Variants in OPN3 observed in about 807,000 individuals in gnomAD.
OPN3 encodes the protein opsin-3.
OPN3 carries 29 observed loss-of-function variants against 33.8 expected under a neutral mutation model. The ratio of observed to expected loss-of-function variants is 0.86; its 90% CI spans 0.64 to 1.17. OPN3 has a LOEUF of 1.17. OPN3 is among the 50% of genes most tolerant of loss of function. The pLI is 0.00. For missense variants in OPN3, 437 were observed against 514.1 expected (o/e 0.85, Z 1.45); for synonymous variants, 216 against 216.1 (o/e 1.00, Z 0.00).
chr1:241,627,483 T>A (rs1004591008), intron 1 of OPN3, among the ~76,000 whole-genome samples: 11 of 152,234 alleles, frequency 7.2e-5, no homozygotes, highest in Admixed American at 4.6e-4. Context: ...GAAACTGGTA[T>A]AAATACCTGC....
intron 1 of OPN3, among the ~76,000 whole-genome samples, chr1:241,620,813 A>G (rs925147844): frequency 6.6e-6 from 1 of 152,214 alleles, no homozygotes; most frequent in Non-Finnish European, 1.5e-5. Context: ...GCTACATTTC[A>G]AGAGCTCAAG....
chr1:241,633,879 T>C, intron 1 of OPN3: 2 of 1,613,874 alleles, frequency 1.2e-6, no homozygotes, highest in Non-Finnish European at 1.7e-6. Context: ...ACATTATTGG[T>C]TCCAGGAGCC....
At chr1:241,605,396 CA>C (rs1259189131) in intron 1 of OPN3, among the ~76,000 whole-genome samples, 1 of 152,218 alleles carries the variant, frequency 6.6e-6, no homozygotes, top group Non-Finnish European at 1.5e-5. Flanking sequence ...TGTTCACACA[CA>C]AGGATTGCTG....
chr1:241,620,145 G>C (rs1573960632), intron 1 of OPN3, among the ~76,000 whole-genome samples: 1 of 151,978 alleles, frequency 6.6e-6, no homozygotes, highest in Admixed American at 6.6e-5. Flanking sequence ...GAGGGAAGTT[G>C]AAAATAATCA....
intron 1 of OPN3, among the ~76,000 whole-genome samples, chr1:241,608,038 G>A (rs866717350): frequency 3.0e-4 from 46 of 151,998 alleles, no homozygotes; most frequent in African/African-American, 1.0e-3. Flanking sequence ...ATAAGTTGAC[G>A]CTAATGAAAT....
At chr1:241,625,056 A>G (rs1230910077) in intron 1 of OPN3, among the ~76,000 whole-genome samples, 2 of 152,272 alleles carry the variant, frequency 1.3e-5, no homozygotes, top group East Asian at 3.8e-4. Flanking sequence ...AGTCTAGCAC[A>G]GAAACTGGGA....
At chr1:241,603,815 A>G (rs116348142) in intron 2 of OPN3, among the ~76,000 whole-genome samples, 240 of 152,338 alleles carry the variant, frequency 1.6e-3, no homozygotes, top group African/African-American at 5.6e-3. Flanking sequence ...GTTGGCACCC[A>G]ACGTGAAATT....
intron 1 of OPN3, among the ~76,000 whole-genome samples, chr1:241,609,103 A>C (rs1440092469): frequency 6.6e-6 from 1 of 152,228 alleles, no homozygotes; most frequent in Non-Finnish European, 1.5e-5. Context: ...GAGCCTTATT[A>C]ACGCAAATAA....
At chr1:241,613,527 C>T (rs779566872) in intron 1 of OPN3, among the ~76,000 whole-genome samples, 6 of 152,144 alleles carry the variant, frequency 3.9e-5, no homozygotes, top group East Asian at 1.9e-4. Flanking sequence ...TTGTCTGCTA[C>T]GTATGTTCTG....
intron 1 of OPN3, among the ~76,000 whole-genome samples, chr1:241,611,114 C>T (rs1423586328): frequency 6.6e-6 from 1 of 152,058 alleles, no homozygotes; most frequent in Non-Finnish European, 1.5e-5. Flanking sequence ...AACTCTGGAG[C>T]TTAAATATTA....
intron 1 of OPN3, chr1:241,635,236 C>T (rs1234875525): frequency 1.9e-6 from 3 of 1,613,628 alleles, no homozygotes; most frequent in African/African-American, 2.7e-5. Flanking sequence ...ACTTTTCCTT[C>T]TCCACTGATT....
chr1:241,624,208 AG>A (rs1664348023), intron 1 of OPN3, among the ~76,000 whole-genome samples: 3 of 121,884 alleles, frequency 2.5e-5, no homozygotes, highest in African/African-American at 1.0e-4. Context: ...TCTATGCTCC[AG>A]ACACTGTGGA....
intron 1 of OPN3, among the ~76,000 whole-genome samples, chr1:241,609,460 G>C (rs1169805301): frequency 6.6e-6 from 1 of 152,246 alleles, no homozygotes; most frequent in Non-Finnish European, 1.5e-5. Context: ...GTGGTAAAGT[G>C]ATGTCTGTGC....
At chr1:241,612,719 T>C (rs1399745330) in intron 1 of OPN3, among the ~76,000 whole-genome samples, 1 of 152,220 alleles carries the variant, frequency 6.6e-6, no homozygotes, top group African/African-American at 2.4e-5. Context: ...ATTTGAGATA[T>C]TCTTTCAGGT....
At chr1:241,627,620 A>G (rs979884917) in intron 1 of OPN3, among the ~76,000 whole-genome samples, 13 of 152,228 alleles carry the variant, frequency 8.5e-5, no homozygotes, top group Non-Finnish European at 1.8e-4. Flanking sequence ...AAATTCTTTC[A>G]GGTGAATCAC....
chr1:241,637,393 A>T (rs758695465), intron 1 of OPN3, among the ~76,000 whole-genome samples: 3 of 152,200 alleles, frequency 2.0e-5, no homozygotes, highest in Non-Finnish European at 2.9e-5. Context: ...CATTTTTGGC[A>T]TTCCCTAAGA....
intron 1 of OPN3, among the ~76,000 whole-genome samples, chr1:241,624,803 G>A (rs943768076): frequency 2.6e-5 from 4 of 152,184 alleles, no homozygotes; most frequent in Non-Finnish European, 5.9e-5. Context: ...TATAGCATGT[G>A]CACCAAGCTT....
chr1:241,634,919 A>C (rs201889209), intron 1 of OPN3: 1 of 1,610,978 alleles, frequency 6.2e-7, no homozygotes. Flanking sequence ...GCTATTAAAG[A>C]CATCTGCTCT....
At chr1:241,627,805 G>A (rs533162264) in intron 1 of OPN3, among the ~76,000 whole-genome samples, 1 of 152,288 alleles carries the variant, frequency 6.6e-6, no homozygotes, top group South Asian at 2.1e-4. Context: ...AGAGGAAGCA[G>A]CCACCTTTAC....
Sources: allele counts gnomAD v4.1 joint callset (sites outside exome capture counted in the v4.1 genomes callset), GRCh38; gene constraint gnomAD v4.1.1; transcripts MANE v1.5; gene names NCBI Gene and HGNC (gene_info 2026-07-23, HGNC 2026-07-21).